PTPRZ1: variants seen among roughly 807,000 people sequenced by gnomAD.
The protein encoded by PTPRZ1 is protein tyrosine phosphatase receptor type Z1.
A neutral mutation model predicts 214.1 loss-of-function variants in PTPRZ1; 82 were observed. The observed-to-expected ratio is 0.38, with a 90% CI of 0.32 to 0.46. The LOEUF (loss-of-function observed/expected upper bound fraction) is 0.46, where lower values mean the gene tolerates loss of function less well. PTPRZ1 is among the 20% of genes least tolerant of loss of function. The pLI is 1.00. For missense variants in PTPRZ1, 2,603 were observed against 2,748.7 expected (o/e 0.95, Z 1.19); for synonymous variants, 945 against 987.9 (o/e 0.96, Z 0.81).
intron 8 of PTPRZ1, among the ~76,000 whole-genome samples, chr7:121,995,213 C>T (rs370285517): frequency 2.1e-4 from 32 of 152,108 alleles, no homozygotes; most frequent in Non-Finnish European, 4.3e-4. Context: ...TCACAATCGG[C>T]GGCAGTTGTT....
chr7:121,891,037 C>T (rs1445043924), intron 1 of PTPRZ1, among the ~76,000 whole-genome samples: 1 of 152,082 alleles, frequency 6.6e-6, no homozygotes, highest in Non-Finnish European at 1.5e-5. Flanking sequence ...CTCTTCTGGC[C>T]TCACTGTCCT....
chr7:121,938,643 G>A (rs987891285), intron 2 of PTPRZ1, among the ~76,000 whole-genome samples: 4 of 152,022 alleles, frequency 2.6e-5, no homozygotes, highest in Non-Finnish European at 4.4e-5. Context: ...AGCTGACAAA[G>A]GGCCTATCTA....
chr7:121,923,698 G>GT lies in PTPRZ1; in HGVS notation c.59-4457dup, dbSNP rs1329831665. ...AAATCAGCACCCTGATTTTAACTTG[G>GT]TGGGGGGGTGGTAAAAATTTTGAGA... On this transcript the variant is annotated intron_variant, in intron 1 of 29. Coordinates refer to ENST00000393386, the MANE Select transcript of PTPRZ1 (RefSeq NM_002851.3). 3.0e-4 allele frequency among the ~76,000 whole-genome samples: 24 copies of GT among 79,062 alleles called. No homozygotes were observed. In the East Asian group the frequency reaches 8.5e-3, roughly 28 times the overall value. 51.9% of individuals were successfully genotyped at this position (79,062 alleles called of 152,430 possible).
At chr7:122,054,139 T>C in intron 26 of PTPRZ1, 101 bp downstream of exon 26, 2 of 1,350,304 alleles carry the variant, frequency 1.5e-6, no homozygotes, top group Non-Finnish European at 2.0e-6. Context: ...AATTTTGTTT[T>C]CAACTAATAA....
intron 10 of PTPRZ1, among the ~76,000 whole-genome samples, chr7:122,003,274 A>G (rs550390665): frequency 6.6e-6 from 1 of 152,312 alleles, no homozygotes; most frequent in Non-Finnish European, 1.5e-5. Flanking sequence ...AGTGAGAATT[A>G]AAAGTAAGAT....
intron 23 of PTPRZ1, among the ~76,000 whole-genome samples, chr7:122,050,528 G>C (rs1792145988): frequency 2.1e-5 from 3 of 143,360 alleles, no homozygotes. Flanking sequence ...ATAACTTCAG[G>C]ATAGAGAAGG....
intron 8 of PTPRZ1, among the ~76,000 whole-genome samples, chr7:121,991,524 A>G (rs891317463): frequency 2.2e-4 from 33 of 152,206 alleles, no homozygotes; most frequent in African/African-American, 6.5e-4. Flanking sequence ...CAATTTCCTG[A>G]AAAAACGTCA....
chr7:121,883,725 C>T (rs981116428), intron 1 of PTPRZ1, among the ~76,000 whole-genome samples: 20 of 152,172 alleles, frequency 1.3e-4, no homozygotes, highest in African/African-American at 4.6e-4. Flanking sequence ...CTCCTGGGTT[C>T]AAGTGAGTCT....
intron 8 of PTPRZ1, among the ~76,000 whole-genome samples, chr7:121,985,701 C>T (rs1456825574): frequency 6.6e-6 from 1 of 152,206 alleles, no homozygotes; most frequent in Non-Finnish European, 1.5e-5. Context: ...TTCTGTCCCC[C>T]TAAGTCTGGC....
intron 1 of PTPRZ1, among the ~76,000 whole-genome samples, chr7:121,885,384 T>C (rs966075630): frequency 1.3e-5 from 2 of 152,180 alleles, no homozygotes; most frequent in Non-Finnish European, 2.9e-5. Context: ...TGAACGTAGA[T>C]GGCAATGCTG....
At chr7:121,917,686 A>G (rs1339917831) in intron 1 of PTPRZ1, among the ~76,000 whole-genome samples, 1 of 152,202 alleles carries the variant, frequency 6.6e-6, no homozygotes, top group Non-Finnish European at 1.5e-5. Context: ...GAGTTTACTT[A>G]CAGTAAAAAT....
At chr7:121,901,907 T>G (rs544529579) in intron 1 of PTPRZ1, among the ~76,000 whole-genome samples, 1 of 152,316 alleles carries the variant, frequency 6.6e-6, no homozygotes, top group South Asian at 2.1e-4. Context: ...AATACATTAT[T>G]GTTGGCTATA....
At chr7:122,021,902 A>T (rs1051302514) in intron 13 of PTPRZ1, among the ~76,000 whole-genome samples, 1 of 152,344 alleles carries the variant, frequency 6.6e-6, no homozygotes, top group African/African-American at 2.4e-5. Context: ...ATAAATTTTC[A>T]TATCATCATA....
chr7:122,039,392 G>A lies in PTPRZ1; in HGVS notation c.5503-62G>A, dbSNP rs560441238. The A allele has an allele frequency of 4.2e-5, 65 of 1,560,964 alleles. 1 individual carries two copies. Among genetic ancestry groups the A allele is most frequent in the African/African-American group, 3.1e-4 (23 of 73,432 alleles). ...CCATCTCAGACCTTTACTGATTTCA[G>A]GGAATGACTTTTACATGGAGCATTT... On this transcript the variant is annotated intron_variant, in intron 19 of 29. Transcript: ENST00000393386.
intron 1 of PTPRZ1, among the ~76,000 whole-genome samples, chr7:121,909,537 A>G (rs1322000993): frequency 6.6e-6 from 1 of 152,216 alleles, no homozygotes; most frequent in Non-Finnish European, 1.5e-5. Context: ...GTCCTGAGAA[A>G]ATAATCAAAT....
chr7:121,973,940 G>GAAAAAAAAAAAAAA, intron 4 of PTPRZ1, among the ~76,000 whole-genome samples: 2 of 86,210 alleles, frequency 2.3e-5, no homozygotes, highest in South Asian at 4.6e-4. Flanking sequence ...TCTCAAAAAA[G>GAAAAAAAAAAAAAA]AAAAAAAAAA....
At chr7:122,022,481 A>G (rs182795803) in intron 13 of PTPRZ1, among the ~76,000 whole-genome samples, 3 of 152,334 alleles carry the variant, frequency 2.0e-5, no homozygotes, top group Non-Finnish European at 2.9e-5. Context: ...AGCTCCCCGT[A>G]CAGAGACAGA....
chr7:121,919,252 C>G (rs1795520339), intron 1 of PTPRZ1, among the ~76,000 whole-genome samples: 1 of 152,026 alleles, frequency 6.6e-6, no homozygotes, highest in African/African-American at 2.4e-5. Flanking sequence ...GCTATCTTCA[C>G]ATTATTTTAG....
At chr7:121,884,851 G>T (rs12672519) in intron 1 of PTPRZ1, among the ~76,000 whole-genome samples, 26,394 of 152,196 alleles carry the variant, frequency 0.17, 2,590 homozygotes, top group East Asian at 0.34. Context: ...ACAAAGACAT[G>T]AATTCATTTT....
Sources: gnomAD v4.1 joint callset for allele counts (sites outside exome capture counted in the v4.1 genomes callset) on GRCh38, gnomAD v4.1.1 for gene constraint, MANE v1.5 for transcripts, NCBI Gene and HGNC (gene_info 2026-07-23, HGNC 2026-07-21) for gene names.